Variants in NEMF observed in about 807,000 individuals in gnomAD.
NEMF encodes nuclear export mediator factor.
In NEMF, 89 loss-of-function variants were observed where a neutral mutation model predicts 162.2. The ratio of observed to expected loss-of-function variants is 0.55; its 90% CI spans 0.46 to 0.65. The LOEUF is 0.65. Among genes scored for constraint, NEMF ranks in the 30% least tolerant of loss-of-function variants. The pLI, the probability that NEMF is intolerant of heterozygous loss-of-function variation, is 0.00. For synonymous variants in NEMF, 421 were observed against 404.5 expected (o/e 1.04, Z -0.49); for missense variants, 1,133 against 1,261.9 (o/e 0.90, Z 1.55).
At chr14:49,840,445 G>C (rs1566705391) in intron 5 of NEMF, among the ~76,000 whole-genome samples, 1 of 134,280 alleles carries the variant, frequency 7.4e-6, no homozygotes, top group South Asian at 2.6e-4. Flanking sequence ...CTGAGCAACA[G>C]AGCGAGACTC....
At chr14:49,812,302 A>G (rs950507486) in intron 18 of NEMF, among the ~76,000 whole-genome samples, 3 of 151,570 alleles carry the variant, frequency 2.0e-5, no homozygotes, top group African/African-American at 7.3e-5. Context: ...TGAGTCCTCT[A>G]TTTTCTTGGT....
intron 28 of NEMF, among the ~76,000 whole-genome samples, chr14:49,788,741 TAG>T (rs1227833541): frequency 6.6e-6 from 1 of 152,032 alleles, no homozygotes; most frequent in Non-Finnish European, 1.5e-5. Flanking sequence ...ATTTTTTTAG[TAG>T]AGACAGGGTT....
At chr14:49,802,828 A>C in intron 20 of NEMF, 101 bp from the exon 21 acceptor site, 1 of 787,436 alleles carries the variant, frequency 1.3e-6, no homozygotes, top group Non-Finnish European at 2.1e-6. Context: ...TAATGGTCAT[A>C]TCCATTTTGT....
chr14:49,836,721 G>A (rs1414738274), intron 6 of NEMF, among the ~76,000 whole-genome samples: 1 of 152,058 alleles, frequency 6.6e-6, no homozygotes, highest in East Asian at 1.9e-4. Flanking sequence ...AAGAGGACAT[G>A]TAAGTTGAGT....
In NEMF at chr14:49,831,377, A is replaced by T. The variant is rs757352038; in HGVS notation, c.883-16T>A. The T allele has an allele frequency of 2.5e-5, 39 of 1,534,330 alleles. No individual in the cohort carries two copies. Among genetic ancestry groups the T allele is most frequent in the Non-Finnish European group, 5.4e-6 (6 of 1,111,156 alleles). ...CATCCACCGCCTTATTAAAAAAACA[A>T]ACAACTAGTTGGAAAAAAAAGCACA... On this transcript the variant is annotated splice_polypyrimidine_tract_variant and intron_variant, in intron 10 of 32. Coordinates refer to ENST00000298310, the MANE Select transcript of NEMF (RefSeq NM_004713.6).
rs779417201 is a variant in NEMF at position 49,840,800 on chromosome 14, C to T, written c.424G>A (p.Ala142Thr). The T allele has an allele frequency of 2.5e-6, 4 of 1,613,612 alleles. No individual in the cohort carries two copies. Among genetic ancestry groups the T allele is most frequent in the Non-Finnish European group, 8.5e-7 (1 of 1,179,606 alleles). Residue 142 changes from alanine to threonine, a missense_variant, in exon 5 of 33, where the codon GCA becomes ACA. This residue lies in a region of NEMF where 582 missense variants were observed against 631.5 expected (regional missense o/e 0.92). Coordinates refer to ENST00000298310, the MANE Select transcript of NEMF (RefSeq NM_004713.6). The stretch of plus-strand genomic sequence containing the variant: ...CGAACAGCAAATTTAACATCATCTG[C>T]CTCATCAGTTCGAAACCTTAGAATA... ...LNILRFRTDE[A>T]DDVKFAVRER...
intron 28 of NEMF, among the ~76,000 whole-genome samples, chr14:49,787,632 C>T (rs551193284): frequency 6.6e-6 from 1 of 152,192 alleles, no homozygotes; most frequent in Non-Finnish European, 1.5e-5. Flanking sequence ...CCTCTTAATA[C>T]CATCACACTG....
chr14:49,797,372 C>T (rs377463243), intron 25 of NEMF: 5 of 151,548 alleles, frequency 3.3e-5, no homozygotes, highest in African/African-American at 9.7e-5. Context: ...GTGGCTCACA[C>T]CTGTAATCCA....
Position 49,844,735 on chromosome 14 carries a change from G to GCA in NEMF, c.357+1404_357+1405insTG, listed in dbSNP as rs1334947542. On this transcript the variant is annotated intron_variant, in intron 4 of 32. Transcript: ENST00000298310. ...TACATACACACGCACGCGCACGCGC[G>GCA]CGCACACACACACACACACACACAC... 223 of 158,432 alleles carry GCA rather than the reference G, an allele frequency of 1.4e-3. 1 individual carries two copies. Among genetic ancestry groups the GCA allele is most frequent in the African/African-American group, 5.3e-3 (204 of 38,580 alleles). The allele number at this position is 158,432 out of a possible 1,614,324, so 9.8% of individuals were successfully genotyped here. A position where few individuals can be genotyped will look rare whatever the true frequency, so the allele number is the denominator to read the frequency against.
intron 6 of NEMF, among the ~76,000 whole-genome samples, chr14:49,837,872 A>G (rs1315817962): frequency 2.6e-5 from 4 of 151,896 alleles, no homozygotes; most frequent in African/African-American, 7.3e-5. Flanking sequence ...TAAATCAAAG[A>G]CTCACAATGA....
chr14:49,790,379 C>T (rs1890383469), intron 26 of NEMF, among the ~76,000 whole-genome samples: 1 of 152,088 alleles, frequency 6.6e-6, no homozygotes, highest in Non-Finnish European at 1.5e-5. Flanking sequence ...TTAAAATAGG[C>T]ACTTCGAAAG....
At chr14:49,827,597 G>A (rs1318331376) in intron 15 of NEMF, among the ~76,000 whole-genome samples, 1 of 152,104 alleles carries the variant, frequency 6.6e-6, no homozygotes, top group Non-Finnish European at 1.5e-5. Flanking sequence ...CGGATCACCT[G>A]AGGTCAGCAG....
intron 15 of NEMF, among the ~76,000 whole-genome samples, chr14:49,826,194 CAAG>C (rs1892334112): frequency 6.6e-6 from 1 of 151,914 alleles, no homozygotes; most frequent in Non-Finnish European, 1.5e-5. Context: ...AATATTTGCC[CAAG>C]ACCTACAAAG....
chr14:49,827,259 T>C (rs140343118), intron 15 of NEMF, among the ~76,000 whole-genome samples: 380 of 152,284 alleles, frequency 2.5e-3, no homozygotes, highest in African/African-American at 8.9e-3. Flanking sequence ...TGATCTCAGC[T>C]CACTGCAACC....
At chr14:49,804,408 T>A (rs1487343668) in intron 19 of NEMF, among the ~76,000 whole-genome samples, 1 of 152,014 alleles carries the variant, frequency 6.6e-6, no homozygotes, top group Non-Finnish European at 1.5e-5. Flanking sequence ...CCAGGTACAG[T>A]GGCTCACACC....
chr14:49,825,474 C>T (rs2233771), intron 16 of NEMF, among the ~76,000 whole-genome samples: 3,335 of 152,228 alleles, frequency 0.022, 140 homozygotes, highest in African/African-American at 0.076. Context: ...AGTGCAGAAG[C>T]GTATGCCTGT....
chr14:49,833,363 T>C lies in NEMF; in HGVS notation c.735+60A>G, dbSNP rs1001145445. The C allele has an allele frequency of 3.8e-6, 4 of 1,047,408 alleles. No individual in the cohort carries two copies. The African/African-American group carries it at 4.8e-5, about 12-fold the overall frequency. 64.9% of individuals were successfully genotyped at this position (1,047,408 alleles called of 1,614,324 possible). On this transcript the variant is annotated intron_variant, in intron 8 of 32. Coordinates refer to ENST00000298310, the MANE Select transcript of NEMF (RefSeq NM_004713.6). ...ATATATAATGATCCTTTAATGAACG[T>C]TTAATTTCTGAAAACCCAAATAAAT...
rs141839536 is a variant in NEMF, at chr14:49,791,903, G to A, written c.2620-2330C>T. Among the ~76,000 whole-genome samples, 735 of 151,930 alleles carry A rather than the reference G, an allele frequency of 4.8e-3. 3 individuals are homozygous for A. Among genetic ancestry groups the A allele is most frequent in the African/African-American group, 0.017 (703 of 41,418 alleles). ...AGAGTTTCTTAGAAAATACAACTTC[G>A]GAAAACCAACTTCAAAAAAAATCCC... On this transcript the variant is annotated intron_variant, in intron 26 of 32. Coordinates refer to ENST00000298310, the MANE Select transcript of NEMF (RefSeq NM_004713.6).
intron 14 of NEMF, 21 bp from the exon 15 acceptor site, chr14:49,828,375 T>TA: frequency 6.9e-7 from 1 of 1,451,442 alleles, no homozygotes; most frequent in Non-Finnish European, 9.5e-7. Flanking sequence ...ATATTTCTCT[T>TA]AAATTTTAAG....
Sources: allele counts gnomAD v4.1 joint callset (sites outside exome capture counted in the v4.1 genomes callset), GRCh38; gene constraint gnomAD v4.1.1; regional missense constraint gnomAD v4.1.1; transcripts MANE v1.5; gene names NCBI Gene and HGNC (gene_info 2026-07-23, HGNC 2026-07-21).